The following TSEN15 variants were observed in gnomAD, a reference collection of about 807,000 sequenced individuals.
The protein encoded by TSEN15 is tRNA-splicing endonuclease subunit Sen15.
In TSEN15, 10 loss-of-function variants were observed where a neutral mutation model predicts 20.5. The observed-to-expected ratio is 0.49, with a 90% CI of 0.30 to 0.83. The LOEUF (loss-of-function observed/expected upper bound fraction) is 0.83, where lower values mean the gene tolerates loss of function less well. Among genes scored for constraint, TSEN15 ranks in the 40% least tolerant of loss-of-function variants. The pLI is 0.06. For missense variants in TSEN15, 180 were observed against 218.6 expected (o/e 0.82, Z 1.11); for synonymous variants, 72 against 80.1 (o/e 0.90, Z 0.54).
At chr1:184,057,443 T>G (rs1042399433) in intron 3 of TSEN15, among the ~76,000 whole-genome samples, 1 of 152,200 alleles carries the variant, frequency 6.6e-6, no homozygotes, top group African/African-American at 2.4e-5. Flanking sequence ...TTTTTCTAGC[T>G]GACTATGACT....
At chr1:184,054,465 T>C in intron 2 of TSEN15, 30 bp downstream of exon 2, 1 of 1,527,238 alleles carries the variant, frequency 6.5e-7, no homozygotes, top group Non-Finnish European at 9.1e-7. Flanking sequence ...TGTTTTGTTA[T>C]TGGGACTGTG....
intron 3 of TSEN15, among the ~76,000 whole-genome samples, chr1:184,059,312 A>G: frequency 6.6e-6 from 1 of 152,212 alleles, no homozygotes; most frequent in East Asian, 1.9e-4. Flanking sequence ...TTGCCTACCT[A>G]GCATGGTGTC....
intron 3 of TSEN15, among the ~76,000 whole-genome samples, chr1:184,059,094 C>A (rs1401780445): frequency 1.4e-5 from 2 of 142,666 alleles, no homozygotes; most frequent in East Asian, 4.1e-4. Flanking sequence ...GCCCTTTGTT[C>A]AGATATTTAA....
At chr1:184,087,444 G>A (rs36113021) in intron 3 of TSEN15, among the ~76,000 whole-genome samples, 4 of 152,144 alleles carry the variant, frequency 2.6e-5, no homozygotes, top group Non-Finnish European at 5.9e-5. Flanking sequence ...CTAAGAATAG[G>A]TCACCAAGAA....
intron 3 of TSEN15, among the ~76,000 whole-genome samples, chr1:184,084,981 A>C (rs928367677): frequency 6.6e-6 from 1 of 151,852 alleles, no homozygotes; most frequent in Non-Finnish European, 1.5e-5. Flanking sequence ...GGTGATGGTG[A>C]TGATAACACT....
chr1:184,089,552 G>A (rs972946644), intron 3 of TSEN15, among the ~76,000 whole-genome samples: 2 of 152,092 alleles, frequency 1.3e-5, no homozygotes, highest in Non-Finnish European at 2.9e-5. Flanking sequence ...GAGAAGAGTG[G>A]AGTGACCCTG....
intron 3 of TSEN15, 141 bp from the exon 4 acceptor site, chr1:184,072,016 A>T: frequency 1.4e-6 from 1 of 734,168 alleles, no homozygotes; most frequent in South Asian, 2.6e-5. Flanking sequence ...CTCTGATGTT[A>T]TTTTTTAAAA....
chr1:184,070,196 T>C (rs1650832395), intron 3 of TSEN15, among the ~76,000 whole-genome samples: 1 of 152,032 alleles, frequency 6.6e-6, no homozygotes, highest in Non-Finnish European at 1.5e-5. Flanking sequence ...TAAATTTCAC[T>C]ATATGGGCTA....
chr1:184,072,849 A>T lies in TSEN15; in HGVS notation c.*2A>T, dbSNP rs1022400338. On this transcript the variant is annotated 3_prime_UTR_variant, in exon 5 of 5. Transcript: ENST00000645668. ...CAGAATATTTCTCTTAGAAGATGAC[A>T]TCCATGTTTCCTGATGCTTGTTTTA... The T allele has an allele frequency of 3.1e-6, 5 of 1,605,866 alleles. No homozygotes were observed. The African/African-American group carries it at 5.4e-5, about 17-fold the overall frequency.
rs141330906 is a variant in TSEN15, at chr1:184,084,881, G to A, written c.354-10809G>A. Among the ~76,000 whole-genome samples, 56 of 152,102 alleles carry A rather than the reference G, an allele frequency of 3.7e-4. 1 individual carries two copies. The East Asian group carries it at 9.3e-3, about 25-fold the overall frequency. ...TGGAGGGGACAAACATTCAAACCAC[G>A]GCAAAGGTAAAGGAAAAGATGGGGG... is the stretch of plus-strand genomic sequence containing the variant. On this transcript the variant is annotated intron_variant, in intron 3 of 3. Transcript: ENST00000643231.
rs1650045209 is a variant in TSEN15 at position 184,051,749 on chromosome 1, G to C, written c.-7G>C. ...TGGTGCACCACGGGAGCGCCGCACC[G>C]GCCGGCATGGAGGAGCGCGGCGATT... On this transcript the variant is annotated 5_prime_UTR_variant, in exon 1 of 5. Coordinates refer to ENST00000645668, the MANE Select transcript of TSEN15 (RefSeq NM_052965.4). 1.4e-6 allele frequency: 2 copies of C among 1,453,930 alleles called. No homozygotes were observed. The highest frequency in any genetic ancestry group is 1.4e-5 in the South Asian group (1 of 73,436). 90.1% of individuals were successfully genotyped at this position (1,453,930 alleles called of 1,614,324 possible).
At chr1:184,083,048 A>C (rs1221964814) in intron 3 of TSEN15, among the ~76,000 whole-genome samples, 1 of 152,184 alleles carries the variant, frequency 6.6e-6, no homozygotes, top group Non-Finnish European at 1.5e-5. Context: ...CTGAGGGTAC[A>C]TTTTATCTTA....
chr1:184,078,190 ACT>A (rs932972259), downstream of TSEN15, among the ~76,000 whole-genome samples: 3 of 152,010 alleles, frequency 2.0e-5, no homozygotes, highest in Admixed American at 2.0e-4. Flanking sequence ...TCAAGGCAAG[ACT>A]CTCCACCAGC....
downstream of TSEN15, among the ~76,000 whole-genome samples, chr1:184,079,076 A>G (rs142328755): frequency 6.6e-6 from 1 of 152,284 alleles, no homozygotes; most frequent in Non-Finnish European, 1.5e-5. Flanking sequence ...AATTAATAGT[A>G]CAATTTCCCT....
At chr1:184,077,663 G>A (rs1651089891), downstream of TSEN15, among the ~76,000 whole-genome samples, 1 of 152,084 alleles carries the variant, frequency 6.6e-6, no homozygotes, top group Non-Finnish European at 1.5e-5. Flanking sequence ...TGATTCATGG[G>A]AAGAGGTAAA....
At chr1:184,075,910 A>ATATATATATATATATATATATATATT (rs760409158), downstream of TSEN15, among the ~76,000 whole-genome samples, 1 of 123,736 alleles carries the variant, frequency 8.1e-6, no homozygotes, top group Non-Finnish European at 1.8e-5. Context: ...ATATATATAT[A>ATATATATATATATATATATATATATT]TTTTTTTTTT....
intron 3 of TSEN15, among the ~76,000 whole-genome samples, chr1:184,093,328 C>G (rs1358956131): frequency 6.6e-6 from 1 of 152,112 alleles, no homozygotes; most frequent in Non-Finnish European, 1.5e-5. Context: ...ACATACACTG[C>G]CCCTTGGAGG....
chr1:184,083,533 G>A (rs1453073912), intron 3 of TSEN15, among the ~76,000 whole-genome samples: 1 of 152,120 alleles, frequency 6.6e-6, no homozygotes, highest in Non-Finnish European at 1.5e-5. Flanking sequence ...CTTAGAAATG[G>A]TAATTCCTCT....
downstream of TSEN15, among the ~76,000 whole-genome samples, chr1:184,078,234 G>T (rs369738057): frequency 1.1e-3 from 175 of 152,254 alleles, 3 homozygotes; most frequent in South Asian, 0.019. Flanking sequence ...AGCCTCAGAT[G>T]ATCATTAGCC....
Sources: allele counts gnomAD v4.1 joint callset (sites outside exome capture counted in the v4.1 genomes callset), GRCh38; gene constraint gnomAD v4.1.1; transcripts MANE v1.5; gene names NCBI Gene and HGNC (gene_info 2026-07-23, HGNC 2026-07-21).